Variants in CDH23 observed in about 807,000 individuals in gnomAD.
CDH23 encodes cadherin-23.
In CDH23, 189 loss-of-function variants were observed where a neutral mutation model predicts 317.1. That is an observed-to-expected ratio of 0.60 (90% CI 0.53 to 0.67). The LOEUF (loss-of-function observed/expected upper bound fraction) is 0.67, where lower values mean the gene tolerates loss of function less well. Among genes scored for constraint, CDH23 ranks in the 30% least tolerant of loss-of-function variants. The pLI, the probability that CDH23 is intolerant of heterozygous loss-of-function variation, is 0.00. For synonymous variants in CDH23, 1,839 were observed against 1,876.8 expected (o/e 0.98, Z 0.52); for missense variants, 4,401 against 4,592.4 (o/e 0.96, Z 1.20).
intron 11 of CDH23, among the ~76,000 whole-genome samples, chr10:71,641,405 GCTCCGT>G (rs1390267154): frequency 2.0e-5 from 3 of 152,178 alleles, no homozygotes; most frequent in Non-Finnish European, 4.4e-5. Context: ...GCTCAGAGTG[GCTCCGT>G]CTCGCTCATG....
chr10:71,569,327 C>G lies in CDH23; in HGVS notation c.625-1463C>G, dbSNP rs780764990. On this transcript the variant is annotated intron_variant, in intron 7 of 69. Transcript: ENST00000224721. ...GCACAGCAGCTCCATCTCTGCAGGC[C>G]AGGAGGAGGCACCAGGCTTCTTGGA... Among the ~76,000 whole-genome samples the G allele has an allele frequency of 1.9e-4, 29 of 152,342 alleles. 1 individual carries two copies. Among genetic ancestry groups the G allele is most frequent in the Admixed American group, 6.5e-4 (10 of 15,304 alleles).
At chr10:71,757,816 A>T (rs1453264453) in intron 38 of CDH23, among the ~76,000 whole-genome samples, 1 of 152,192 alleles carries the variant, frequency 6.6e-6, no homozygotes, top group Non-Finnish European at 1.5e-5. Context: ...GGGTGAAAGC[A>T]GACAGCACAT....
intron 6 of CDH23, among the ~76,000 whole-genome samples, chr10:71,561,035 C>T (rs1285624201): frequency 6.0e-5 from 9 of 151,056 alleles, no homozygotes. Flanking sequence ...GAGGGTGTGG[C>T]GTCCTTCTTT....
intron 3 of CDH23, among the ~76,000 whole-genome samples, chr10:71,475,237 T>C (rs1246742888): frequency 6.6e-6 from 1 of 152,128 alleles, no homozygotes; most frequent in Non-Finnish European, 1.5e-5. Flanking sequence ...ACACACGACA[T>C]CCGCAGGAGC....
At chr10:71,662,012 C>T (rs537309159) in intron 14 of CDH23, among the ~76,000 whole-genome samples, 3 of 150,748 alleles carry the variant, frequency 2.0e-5, no homozygotes, top group African/African-American at 7.3e-5. Context: ...TGCGTGGGCC[C>T]AGGTGAGTGA....
chr10:71,793,752 C>G, intron 48 of CDH23, 112 bp downstream of exon 48: 2 of 793,664 alleles, frequency 2.5e-6, no homozygotes, highest in Non-Finnish European at 3.9e-6. Flanking sequence ...CCTTGCTACT[C>G]TCTTCTCTCC....
At chr10:71,667,076 C>T (rs1192754012) in intron 14 of CDH23, among the ~76,000 whole-genome samples, 1 of 152,270 alleles carries the variant, frequency 6.6e-6, no homozygotes, top group African/African-American at 2.4e-5. Context: ...TCCTCACCGG[C>T]ACCGGCCGCC....
At chr10:71,728,534 A>G (rs1160147297) in intron 30 of CDH23, among the ~76,000 whole-genome samples, 2 of 152,234 alleles carry the variant, frequency 1.3e-5, no homozygotes, top group African/African-American at 2.4e-5. Context: ...CCAAAGAGAA[A>G]GCAGGGCTGA....
At chr10:71,629,996 A>G (rs1484402244) in intron 11 of CDH23, among the ~76,000 whole-genome samples, 2 of 152,082 alleles carry the variant, frequency 1.3e-5, no homozygotes, top group South Asian at 2.1e-4. Flanking sequence ...TATGAATTGT[A>G]TCTCCATTTT....
In CDH23 at chr10:71,713,305, A is replaced by G. The variant is rs192588830; in HGVS notation, c.3369+492A>G. 3.6e-4 allele frequency: 277 copies of G among 779,030 alleles called. No individual in the cohort carries two copies. The African/African-American group carries it at 4.2e-3, about 12-fold the overall frequency. 48.3% of individuals were successfully genotyped at this position (779,030 alleles called of 1,614,324 possible). A position where few individuals can be genotyped will look rare whatever the true frequency, so the allele number is the denominator to read the frequency against. Reference sequence around the variant, plus strand: ...CAGCTCCAAGGCTCAGAGGGAGAGAAGGGAGGACCCTGAAAACAATTTGGG... The same window carrying G: ...CAGCTCCAAGGCTCAGAGGGAGAGAGGGGAGGACCCTGAAAACAATTTGGG... On this transcript the variant is annotated intron_variant, in intron 28 of 69. Transcript: ENST00000224721.
chr10:71,720,600 C>T (rs1589371606), intron 28 of CDH23, among the ~76,000 whole-genome samples: 1 of 152,192 alleles, frequency 6.6e-6, no homozygotes, highest in African/African-American at 2.4e-5. Flanking sequence ...TGGCCCTGTC[C>T]AAGACCTGAG....
At position 71,813,285 on chromosome 10, in the gene CDH23, C is replaced by T. The variant is rs1842004310; in HGVS notation, c.9675C>T (p.Leu3225=). Reference sequence around the variant, plus strand: ...TGGTCCTGGAGGATTACCTGCGGCTCAAAAAGCTCTTTGCACAGCGGATGG... The same window carrying T: ...TGGTCCTGGAGGATTACCTGCGGCTTAAAAAGCTCTTTGCACAGCGGATGG... ...LKVVLEDYLR[L]KKLFAQRMVQ... is the part of the protein sequence containing the mutation. The change falls in exon 69 of 70, where the codon CTC becomes CTT. Residue 3225 remains leucine, a synonymous_variant. Coordinates refer to ENST00000224721, the MANE Select transcript of CDH23 (RefSeq NM_022124.6). 6.4e-7 allele frequency: 1 copy of T among 1,551,506 alleles called. No individual in the cohort carries two copies.
chr10:71,561,713 C>T (rs1292492082), intron 6 of CDH23, among the ~76,000 whole-genome samples: 1 of 152,192 alleles, frequency 6.6e-6, no homozygotes, highest in African/African-American at 2.4e-5. Flanking sequence ...GACAACCTGG[C>T]AGGTGCAAGA....
At chr10:71,531,030 A>G (rs972361895) in intron 6 of CDH23, among the ~76,000 whole-genome samples, 5 of 152,324 alleles carry the variant, frequency 3.3e-5, no homozygotes, top group African/African-American at 7.2e-5. Context: ...GCATCTCTAC[A>G]TCATAAGAAA....
At chr10:71,763,009 A>G (rs58499420) in intron 38 of CDH23, among the ~76,000 whole-genome samples, 3,184 of 152,308 alleles carry the variant, frequency 0.021, 110 homozygotes, top group African/African-American at 0.072. Context: ...ATCTAACTGT[A>G]TGAGCCTCAG....
At chr10:71,779,146 A>T in intron 40 of CDH23, 121 bp from the exon 41 acceptor site, 1 of 901,402 alleles carries the variant, frequency 1.1e-6, no homozygotes. Context: ...GACTTCCCAT[A>T]TGATTCCTGC....
chr10:71,406,239 G>C (rs980824119), intron 1 of CDH23, among the ~76,000 whole-genome samples: 2 of 152,148 alleles, frequency 1.3e-5, no homozygotes, highest in African/African-American at 4.8e-5. Flanking sequence ...TCCAAGCAGG[G>C]AGTGACACAG....
chr10:71,440,781 G>A (rs1358816460), intron 2 of CDH23, among the ~76,000 whole-genome samples: 1 of 152,204 alleles, frequency 6.6e-6, no homozygotes, highest in Non-Finnish European at 1.5e-5. Flanking sequence ...CATGCCTGAT[G>A]TGGCATCCCC....
At chr10:71,606,885 C>G (rs1420022093) in intron 9 of CDH23, among the ~76,000 whole-genome samples, 3 of 152,084 alleles carry the variant, frequency 2.0e-5, no homozygotes, top group Non-Finnish European at 2.9e-5. Context: ...TCTTCCCCCA[C>G]CCCGACTGAC....
Sources: allele counts gnomAD v4.1 joint callset (sites outside exome capture counted in the v4.1 genomes callset), GRCh38; gene constraint gnomAD v4.1.1; transcripts MANE v1.5; gene names NCBI Gene and HGNC (gene_info 2026-07-23, HGNC 2026-07-21).